HS3ST5: variants seen among roughly 807,000 people sequenced by gnomAD.
The protein encoded by HS3ST5 is heparan sulfate-glucosamine 3-sulfotransferase 5.
In HS3ST5, 10 loss-of-function variants were observed where a neutral mutation model predicts 25.4. The ratio of observed to expected loss-of-function variants is 0.39; its 90% CI spans 0.24 to 0.67. The LOEUF (loss-of-function observed/expected upper bound fraction) is 0.67, where lower values mean the gene tolerates loss of function less well. Among genes scored for constraint, HS3ST5 ranks in the 30% least tolerant of loss-of-function variants. HS3ST5 has a pLI of 0.44. For missense variants in HS3ST5, 324 were observed against 420.7 expected, an observed-to-expected ratio of 0.77 and a Z score of 2.01; for synonymous variants, 170 against 162.4, an observed-to-expected ratio of 1.05 and a Z score of -0.36.
intron 3 of HS3ST5, among the ~76,000 whole-genome samples, chr6:114,142,511 G>A (rs1253757081): frequency 6.6e-6 from 1 of 152,046 alleles, no homozygotes; most frequent in Non-Finnish European, 1.5e-5. Context: ...TGCGAGGGTG[G>A]GTGAGGATAA....
At chr6:114,203,580 C>T (rs1781128513) in intron 2 of HS3ST5, among the ~76,000 whole-genome samples, 1 of 152,160 alleles carries the variant, frequency 6.6e-6, no homozygotes, top group Non-Finnish European at 1.5e-5. Flanking sequence ...CTTTTGCATT[C>T]TGATGACAGC....
intron 1 of HS3ST5, among the ~76,000 whole-genome samples, chr6:114,277,617 G>T (rs1773918532): frequency 6.6e-6 from 1 of 151,726 alleles, no homozygotes; most frequent in African/African-American, 2.4e-5. Flanking sequence ...TACATTCATG[G>T]GTTATAATGC....
chr6:114,134,839 C>T (rs1419510448), intron 3 of HS3ST5, among the ~76,000 whole-genome samples: 2 of 152,284 alleles, frequency 1.3e-5, no homozygotes, highest in East Asian at 3.9e-4. Flanking sequence ...CTCCAGTGTC[C>T]TGAAATTTTG....
At chr6:114,058,399 G>A (rs1772901929) in intron 4 of HS3ST5, among the ~76,000 whole-genome samples, 1 of 152,118 alleles carries the variant, frequency 6.6e-6, no homozygotes, top group African/African-American at 2.4e-5. Context: ...TTTTATTAGT[G>A]CTCCTTAAAA....
intron 3 of HS3ST5, among the ~76,000 whole-genome samples, chr6:114,069,818 G>A (rs151090176): frequency 1.3e-3 from 192 of 152,092 alleles, no homozygotes; most frequent in Non-Finnish European, 2.3e-3. Flanking sequence ...CACCACACCC[G>A]GCCCATGGGA....
chr6:114,084,914 C>T lies in HS3ST5; in HGVS notation c.-32-22037G>A, dbSNP rs569974530. ...TGGTGTGATCTCGGCTCACTGCAAC[C>T]TCTGCCTCCCGGGTTCAAGCGATTC... On this transcript the variant is annotated intron_variant, in intron 3 of 4. Coordinates refer to ENST00000312719, the MANE Select transcript of HS3ST5 (RefSeq NM_153612.4). 5.1e-4 allele frequency: 250 copies of T among 490,416 alleles called. 6 individuals carry two copies. The highest frequency in any genetic ancestry group is 5.0e-3 in the South Asian group (244 of 48,672). The allele number at this position is 490,416 out of a possible 1,614,324, so 30.4% of individuals were successfully genotyped here.
intron 1 of HS3ST5, among the ~76,000 whole-genome samples, chr6:114,254,245 A>G (rs1381075749): frequency 6.6e-6 from 1 of 152,234 alleles, no homozygotes; most frequent in East Asian, 1.9e-4. Context: ...GCACTGTGGA[A>G]GACCCTGAAC....
At chr6:114,187,634 T>G (rs1019190759) in intron 2 of HS3ST5, among the ~76,000 whole-genome samples, 2 of 152,142 alleles carry the variant, frequency 1.3e-5, no homozygotes, top group African/African-American at 2.4e-5. Flanking sequence ...GAGATGACAA[T>G]AAAGGTTTTA....
chr6:114,178,468 GATGA>G (rs1163809882), intron 2 of HS3ST5, among the ~76,000 whole-genome samples: 1 of 152,192 alleles, frequency 6.6e-6, no homozygotes, highest in African/African-American at 2.4e-5. Context: ...CCAAAGGAAA[GATGA>G]ATGGTGACAA....
chr6:114,284,877 GA>G (rs1774271282), intron 1 of HS3ST5, among the ~76,000 whole-genome samples: 1 of 151,774 alleles, frequency 6.6e-6, no homozygotes, highest in South Asian at 2.1e-4. Context: ...TAAATCAGGA[GA>G]AAAAAGACTG....
intron 2 of HS3ST5, among the ~76,000 whole-genome samples, chr6:114,226,817 G>A (rs9488343): frequency 0.44 from 66,773 of 151,664 alleles, 14,789 homozygotes; most frequent in Middle Eastern, 0.48. Context: ...CAATGATAAT[G>A]AACATGATTC....
At chr6:114,200,457 A>C (rs9481430) in intron 2 of HS3ST5, among the ~76,000 whole-genome samples, 3 of 152,042 alleles carry the variant, frequency 2.0e-5, no homozygotes, top group Admixed American at 2.0e-4. Context: ...CTTAGTGGAT[A>C]TCACAGTGAA....
In HS3ST5 at chr6:114,216,728, TAAAAAAAAA is replaced by T. The variant is rs760077446; in HGVS notation, c.-145+11848_-145+11856del. 2.2e-5 allele frequency among the ~76,000 whole-genome samples: 2 copies of T among 90,166 alleles called. 1 individual carries two copies. Among genetic ancestry groups the T allele is most frequent in the South Asian group, 1.1e-3 (2 of 1,890 alleles). 59.2% of individuals were successfully genotyped at this position (90,166 alleles called of 152,430 possible). A position where few individuals can be genotyped will look rare whatever the true frequency, so the allele number is the denominator to read the frequency against. On this transcript the variant is annotated intron_variant, in intron 2 of 4. Transcript: ENST00000312719. ...AGATAGAGAACAGAATCGTCCTCCT[TAAAAAAAAA>T]AAAAAAAAAAAAAGGAAAAGAAAAC...
At chr6:114,135,050 T>C (rs1777526387) in intron 3 of HS3ST5, among the ~76,000 whole-genome samples, 1 of 152,080 alleles carries the variant, frequency 6.6e-6, no homozygotes, top group Non-Finnish European at 1.5e-5. Context: ...ATAAATGACT[T>C]CTAGATTGGT....
chr6:114,065,916 T>C (rs1438673091), intron 3 of HS3ST5, among the ~76,000 whole-genome samples: 1 of 152,194 alleles, frequency 6.6e-6, no homozygotes. Flanking sequence ...TGCACAATGC[T>C]TCGTCCACTT....
chr6:114,056,386 C>G lies in HS3ST5; in HGVS notation c.*871G>C, dbSNP rs766806690. Reference sequence around the variant, plus strand: ...ATCTTTCCAAGTGCTCTCATATGCACGTAAACAGCTTCCATTTTGGAAGCC... The same window carrying G: ...ATCTTTCCAAGTGCTCTCATATGCAGGTAAACAGCTTCCATTTTGGAAGCC... On this transcript the variant is annotated 3_prime_UTR_variant, in exon 5 of 5. Coordinates refer to ENST00000312719, the MANE Select transcript of HS3ST5 (RefSeq NM_153612.4). 2 of 150,284 alleles carry G rather than the reference C, an allele frequency of 1.3e-5. No homozygotes were observed. Among genetic ancestry groups the G allele is most frequent in the African/African-American group, 4.9e-5 (2 of 40,758 alleles). The allele number at this position is 150,284 out of a possible 1,614,324, so 9.3% of individuals were successfully genotyped here.
chr6:114,113,056 C>T (rs1432588477), intron 3 of HS3ST5, among the ~76,000 whole-genome samples: 1 of 152,146 alleles, frequency 6.6e-6, no homozygotes, highest in African/African-American at 2.4e-5. Context: ...CTTAATTCCA[C>T]TTTCCCCCTC....
chr6:114,195,068 C>G (rs1780674604), intron 2 of HS3ST5, among the ~76,000 whole-genome samples: 1 of 152,166 alleles, frequency 6.6e-6, no homozygotes, highest in African/African-American at 2.4e-5. Flanking sequence ...GACACATAAC[C>G]TTGATATTTA....
At chr6:114,240,258 C>T (rs1459818473) in intron 1 of HS3ST5, among the ~76,000 whole-genome samples, 1 of 152,140 alleles carries the variant, frequency 6.6e-6, no homozygotes, top group Non-Finnish European at 1.5e-5. Flanking sequence ...AGTTTTCAGC[C>T]TTCATCATGG....
Sources: gnomAD v4.1 joint callset for allele counts (sites outside exome capture counted in the v4.1 genomes callset) on GRCh38, gnomAD v4.1.1 for gene constraint, MANE v1.5 for transcripts, NCBI Gene and HGNC (gene_info 2026-07-23, HGNC 2026-07-21) for gene names.